The following SDK1 variants were observed in gnomAD, a reference collection of about 807,000 sequenced individuals.
SDK1 encodes the protein sidekick cell adhesion molecule 1, also known as protein sidekick-1.
SDK1 carries 157 observed loss-of-function variants against 245.5 expected under a neutral mutation model. The ratio of observed to expected loss-of-function variants is 0.64; its 90% confidence interval spans 0.56 to 0.73. The LOEUF (loss-of-function observed/expected upper bound fraction) is 0.73. Among genes scored for constraint, SDK1 ranks in the 30% least tolerant of loss-of-function variants. SDK1 has a pLI of 0.00. For missense variants in SDK1, 3,583 were observed against 3,002.3 expected (o/e 1.19, Z -4.52); for synonymous variants, 1,647 against 1,278.5 (o/e 1.29, Z -6.15).
intron 4 of SDK1, among the ~76,000 whole-genome samples, chr7:3,812,416 TTTAGAAA>T (rs1205285483): frequency 6.6e-6 from 1 of 152,168 alleles, no homozygotes; most frequent in African/African-American, 2.4e-5. Context: ...GAGTTACCAT[TTTAGAAA>T]TTCCACCCTG....
At chr7:4,233,461 G>A (rs767728607) in intron 41 of SDK1, 42 bp downstream of exon 41, 6 of 1,584,924 alleles carry the variant, frequency 3.8e-6, no homozygotes, top group Non-Finnish European at 5.2e-6. Context: ...TGGAGGACTA[G>A]AGGGAGAAAT....
At chr7:3,372,768 G>A (rs1186614603) in intron 1 of SDK1, among the ~76,000 whole-genome samples, 1 of 152,332 alleles carries the variant, frequency 6.6e-6, no homozygotes, top group African/African-American at 2.4e-5. Flanking sequence ...AGAGCACACA[G>A]TGTAGGAGAG....
intron 9 of SDK1, among the ~76,000 whole-genome samples, chr7:3,963,181 T>C (rs111246002): frequency 2.1e-4 from 11 of 52,082 alleles, no homozygotes; most frequent in African/African-American, 2.3e-4. Context: ...CTGGATGTAA[T>C]CAGTGGGTAC....
intron 1 of SDK1, among the ~76,000 whole-genome samples, chr7:3,422,603 G>T (rs922004996): frequency 2.6e-5 from 4 of 151,986 alleles, no homozygotes; most frequent in African/African-American, 9.7e-5. Flanking sequence ...GACCAGCCTG[G>T]GCAACATAGC....
intron 4 of SDK1, among the ~76,000 whole-genome samples, chr7:3,697,131 G>A (rs1784597679): frequency 6.6e-6 from 1 of 152,138 alleles, no homozygotes; most frequent in South Asian, 2.1e-4. Flanking sequence ...GTAAAAGTAG[G>A]GGAAGTGAAT....
At chr7:3,987,766 C>G (rs1469368481) in intron 14 of SDK1, among the ~76,000 whole-genome samples, 2 of 152,204 alleles carry the variant, frequency 1.3e-5, no homozygotes, top group Non-Finnish European at 2.9e-5. Context: ...CAGGACCCCT[C>G]TGCCCATTTA....
chr7:3,692,797 T>A (rs1784470589), intron 4 of SDK1, among the ~76,000 whole-genome samples: 1 of 152,138 alleles, frequency 6.6e-6, no homozygotes, highest in South Asian at 2.1e-4. Flanking sequence ...TAGAATCGCA[T>A]CGATTTATAC....
At chr7:4,114,344 A>G in intron 25 of SDK1, 70 bp downstream of exon 25, 1 of 1,246,238 alleles carries the variant, frequency 8.0e-7, no homozygotes, top group Non-Finnish European at 1.1e-6. Flanking sequence ...CTGAGCCTCC[A>G]GATCCCAGGC....
At chr7:3,626,689 T>G (rs760961485) in intron 2 of SDK1, among the ~76,000 whole-genome samples, 56 of 152,216 alleles carry the variant, frequency 3.7e-4, no homozygotes, top group Non-Finnish European at 4.0e-4. Context: ...TTAGAGTGAT[T>G]AGAGTCATTT....
At chr7:3,594,356 A>G (rs1046500168) in intron 1 of SDK1, among the ~76,000 whole-genome samples, 2 of 152,158 alleles carry the variant, frequency 1.3e-5, no homozygotes, top group Non-Finnish European at 2.9e-5. Flanking sequence ...TTATCAGTTG[A>G]TAGACATTTG....
At chr7:4,021,333 G>A (rs181411443) in intron 17 of SDK1, among the ~76,000 whole-genome samples, 4 of 152,290 alleles carry the variant, frequency 2.6e-5, no homozygotes, top group Admixed American at 6.5e-5. Flanking sequence ...CCAGAGGAAC[G>A]GGCTATGGAC....
chr7:4,195,444 C>A (rs191411862), intron 35 of SDK1, among the ~76,000 whole-genome samples: 1 of 152,128 alleles, frequency 6.6e-6, no homozygotes, highest in Non-Finnish European at 1.5e-5. Context: ...GTCCCTCCCC[C>A]ACGTCACTCT....
intron 4 of SDK1, among the ~76,000 whole-genome samples, chr7:3,666,515 C>T (rs576505633): frequency 3.4e-4 from 52 of 152,288 alleles, no homozygotes; most frequent in African/African-American, 1.2e-3. Flanking sequence ...AGTGTGGTTT[C>T]CCTGGGGTCT....
At chr7:3,600,092 T>C (rs1309416362) in intron 1 of SDK1, among the ~76,000 whole-genome samples, 1 of 152,242 alleles carries the variant, frequency 6.6e-6, no homozygotes, top group Non-Finnish European at 1.5e-5. Context: ...TTCAGTCTTT[T>C]TGATTTCTGT....
At chr7:3,490,497 T>A (rs572005024) in intron 1 of SDK1, among the ~76,000 whole-genome samples, 2 of 152,342 alleles carry the variant, frequency 1.3e-5, no homozygotes, top group East Asian at 3.9e-4. Context: ...ATTTTAAAGA[T>A]TACCATTCGT....
At chr7:3,691,272 A>G (rs150096971) in intron 4 of SDK1, among the ~76,000 whole-genome samples, 1 of 152,356 alleles carries the variant, frequency 6.6e-6, no homozygotes, top group Non-Finnish European at 1.5e-5. Flanking sequence ...CACAGAGTAA[A>G]AAATGCCATA....
chr7:3,877,808 T>C (rs1489452216), intron 5 of SDK1, among the ~76,000 whole-genome samples: 10 of 152,258 alleles, frequency 6.6e-5, no homozygotes, highest in Admixed American at 6.5e-4. Flanking sequence ...TGTTTTCATG[T>C]CAGCAATTAA....
chr7:3,515,787 C>A (rs1020052290), intron 1 of SDK1, among the ~76,000 whole-genome samples: 3 of 152,150 alleles, frequency 2.0e-5, no homozygotes, highest in African/African-American at 7.2e-5. Context: ...ATTTAAAAAT[C>A]CCAGTGGTAC....
At chr7:3,666,111 C>A (rs1022610960) in intron 4 of SDK1, among the ~76,000 whole-genome samples, 8 of 152,312 alleles carry the variant, frequency 5.3e-5, no homozygotes, top group South Asian at 4.1e-4. Context: ...TTATTCACCT[C>A]CTAATCCAGT....
Sources: allele counts gnomAD v4.1 joint callset (sites outside exome capture counted in the v4.1 genomes callset), GRCh38; gene constraint gnomAD v4.1.1; transcripts MANE v1.5; gene names NCBI Gene and HGNC (gene_info 2026-07-23, HGNC 2026-07-21).